ADGRB3: variants seen among roughly 807,000 people sequenced by gnomAD.
ADGRB3 encodes adhesion G protein-coupled receptor B3.
In ADGRB3, 37 loss-of-function variants were observed where a neutral mutation model predicts 193.4. The observed-to-expected ratio is 0.19, with a 90% CI of 0.15 to 0.25. ADGRB3 has a LOEUF of 0.25. Among genes scored for constraint, ADGRB3 ranks in the 10% least tolerant of loss-of-function variants. The pLI is 1.00. For synonymous variants in ADGRB3, 690 were observed against 644.2 expected, an observed-to-expected ratio of 1.07 and a Z score of -1.08; for missense variants, 1,637 against 1,852.9, an observed-to-expected ratio of 0.88 and a Z score of 2.14.
intron 15 of ADGRB3, among the ~76,000 whole-genome samples, chr6:69,058,931 G>T (rs1455303975): frequency 6.6e-6 from 1 of 151,928 alleles, no homozygotes; most frequent in Admixed American, 6.6e-5. Context: ...GTTGTTGTAT[G>T]GAGTGTTCTG....
At position 69,059,411 on chromosome 6, in the gene ADGRB3, C is replaced by T. The variant is rs147367302; in HGVS notation, c.2334-3523C>T. Among the ~76,000 whole-genome samples, 26 of 152,066 alleles carry T rather than the reference C, an allele frequency of 1.7e-4. No individual in the cohort carries two copies. The East Asian group carries it at 4.8e-3, about 28-fold the overall frequency. On this transcript the variant is annotated intron_variant, in intron 15 of 31. Coordinates refer to ENST00000370598, the MANE Select transcript of ADGRB3 (RefSeq NM_001704.3). ...TATTTTTAATCACTTTTTATACTCT[C>T]TTTAAGATATGGTTCATGTGCCTTT...
At position 69,234,895 on chromosome 6, in the gene ADGRB3, A is replaced by G. The variant is rs149064446; in HGVS notation, c.2608-137A>G. On this transcript the variant is annotated intron_variant, in intron 18 of 31. Transcript: ENST00000370598. ...GGTTGAGAATGCAAGAACAGAGTGG[A>G]TTCATGGGTAACTATCTGGTAACTA... 3.3e-4 allele frequency: 204 copies of G among 621,362 alleles called. 1 individual carries two copies. The highest frequency in any genetic ancestry group is 3.2e-3 in the African/African-American group (174 of 54,144). 38.5% of individuals were successfully genotyped at this position (621,362 alleles called of 1,614,324 possible).
chr6:69,035,724 G>C (rs1040945044), intron 13 of ADGRB3, among the ~76,000 whole-genome samples: 2 of 152,138 alleles, frequency 1.3e-5, no homozygotes, highest in African/African-American at 4.8e-5. Context: ...AATTTAGATA[G>C]GGTCTGATGG....
chr6:69,145,759 C>T (rs1388706325), intron 17 of ADGRB3, among the ~76,000 whole-genome samples: 1 of 151,494 alleles, frequency 6.6e-6, no homozygotes, highest in Non-Finnish European at 1.5e-5. Context: ...GAGAGGAGAC[C>T]CTGGAGTCGG....
chr6:69,231,632 G>A (rs544627858), intron 17 of ADGRB3, among the ~76,000 whole-genome samples: 2 of 152,252 alleles, frequency 1.3e-5, no homozygotes, highest in South Asian at 4.2e-4. Context: ...GAGAATTGGA[G>A]TTTAATACTG....
At chr6:69,350,593 A>G (rs1420953941) in intron 26 of ADGRB3, among the ~76,000 whole-genome samples, 1 of 152,152 alleles carries the variant, frequency 6.6e-6, no homozygotes, top group Non-Finnish European at 1.5e-5. Context: ...GAACTCAAAG[A>G]TGCAATGATT....
At chr6:68,799,088 A>G (rs551550855) in intron 3 of ADGRB3, among the ~76,000 whole-genome samples, 5 of 152,308 alleles carry the variant, frequency 3.3e-5, no homozygotes, top group Admixed American at 3.3e-4. Flanking sequence ...TTTCGTTTAA[A>G]GAATAGATTG....
chr6:69,121,534 G>A (rs62406782), intron 17 of ADGRB3, among the ~76,000 whole-genome samples: 18,046 of 151,828 alleles, frequency 0.12, 1,116 homozygotes, highest in African/African-American at 0.13. Context: ...GGAGCTGTTG[G>A]GTACACTTCC....
At chr6:68,721,171 G>T (rs907061218) in intron 3 of ADGRB3, among the ~76,000 whole-genome samples, 1 of 151,652 alleles carries the variant, frequency 6.6e-6, no homozygotes, top group Non-Finnish European at 1.5e-5. Context: ...AAAGATACAC[G>T]CACACATATG....
intron 3 of ADGRB3, among the ~76,000 whole-genome samples, chr6:68,783,895 T>C (rs1766908010): frequency 6.6e-6 from 1 of 152,014 alleles, no homozygotes; most frequent in Non-Finnish European, 1.5e-5. Flanking sequence ...GGAGTTTAAA[T>C]GTTACCTTCG....
rs567125011 is a variant in ADGRB3, at chr6:68,910,364, C to T, written c.758-20195C>T. Among the ~76,000 whole-genome samples the T allele has an allele frequency of 1.4e-3, 217 of 152,222 alleles. 1 individual carries two copies. Among genetic ancestry groups the T allele is most frequent in the African/African-American group, 5.0e-3 (209 of 41,544 alleles). The stretch of plus-strand genomic sequence containing the variant: ...TCTCCCATTCTGTAGGTTGCCTGTT[C>T]ACTCTGATGGTAGTTTCTTTTGCTG... On this transcript the variant is annotated intron_variant, in intron 3 of 31. Coordinates refer to ENST00000370598, the MANE Select transcript of ADGRB3 (RefSeq NM_001704.3).
chr6:69,214,497 G>A (rs867738611), intron 17 of ADGRB3, among the ~76,000 whole-genome samples: 44 of 152,040 alleles, frequency 2.9e-4, no homozygotes, highest in African/African-American at 1.0e-3. Context: ...TTTATTAACA[G>A]AAGAAATTTC....
At chr6:68,933,312 C>T (rs922544069) in intron 4 of ADGRB3, among the ~76,000 whole-genome samples, 10 of 152,234 alleles carry the variant, frequency 6.6e-5, no homozygotes, top group South Asian at 6.2e-4. Flanking sequence ...TAAAATTAGG[C>T]TGGGTGCAGT....
At chr6:69,039,182 T>C (rs569006053) in intron 13 of ADGRB3, among the ~76,000 whole-genome samples, 102 of 150,842 alleles carry the variant, frequency 6.8e-4, no homozygotes, top group Admixed American at 1.2e-3. Context: ...GGCAATTGGA[T>C]ATGCCAAAGA....
intron 10 of ADGRB3, among the ~76,000 whole-genome samples, chr6:68,992,320 T>C (rs1363861954): frequency 6.6e-6 from 1 of 152,096 alleles, no homozygotes; most frequent in African/African-American, 2.4e-5. Context: ...TAATTACCAG[T>C]AGTTTAGAAG....
intron 3 of ADGRB3, among the ~76,000 whole-genome samples, chr6:68,756,917 T>C (rs1439860898): frequency 6.6e-6 from 1 of 152,116 alleles, no homozygotes; most frequent in Non-Finnish European, 1.5e-5. Context: ...TTCAGCAGAG[T>C]TGGCAGTGCT....
At position 69,354,087 on chromosome 6, in the gene ADGRB3, A is replaced by G. The variant is rs531140246; in HGVS notation, c.3460-146A>G. 7.6e-6 allele frequency: 4 copies of G among 525,072 alleles called. No homozygotes were observed. In the South Asian group the frequency reaches 1.4e-4, roughly 18 times the overall value. 32.5% of individuals were successfully genotyped at this position (525,072 alleles called of 1,614,324 possible). ...TCAAAAAATAATAGTAGTAATAATA[A>G]TAAGTTTTTTTAAAAAGAAGTAAAC... is the stretch of plus-strand genomic sequence containing the variant. On this transcript the variant is annotated intron_variant, in intron 26 of 31. Transcript: ENST00000370598.
At chr6:68,910,943 A>G (rs1766686764) in intron 3 of ADGRB3, among the ~76,000 whole-genome samples, 1 of 152,166 alleles carries the variant, frequency 6.6e-6, no homozygotes, top group Non-Finnish European at 1.5e-5. Context: ...TTCTGTTAAG[A>G]AAGTCATTCA....
At position 69,383,145 on chromosome 6, in the gene ADGRB3, C is replaced by A. The variant is rs137944830; in HGVS notation, c.4380+210C>A. On this transcript the variant is annotated intron_variant, in intron 31 of 31. Coordinates refer to ENST00000370598, the MANE Select transcript of ADGRB3 (RefSeq NM_001704.3). ...ATTTTATTCATATTTCAAATATCCT[C>A]ATTTATAAGCTTTCATTAGAGTTAG... is the stretch of plus-strand genomic sequence containing the variant. 1.6e-3 allele frequency among the ~76,000 whole-genome samples: 250 copies of A among 152,094 alleles called. 1 individual carries two copies. The highest frequency in any genetic ancestry group is 3.4e-3 in the Middle Eastern group (1 of 294).
Sources: gnomAD v4.1 joint callset for allele counts (sites outside exome capture counted in the v4.1 genomes callset) on GRCh38, gnomAD v4.1.1 for gene constraint, MANE v1.5 for transcripts, NCBI Gene and HGNC (gene_info 2026-07-23, HGNC 2026-07-21) for gene names.